ZNF227: variants seen among roughly 807,000 people sequenced by gnomAD.
ZNF227 encodes the protein zinc finger protein 227.
ZNF227 carries 12 observed loss-of-function variants against 13.2 expected under a neutral mutation model. The ratio of observed to expected loss-of-function variants is 0.91; its 90% confidence interval spans 0.58 to 1.47. The LOEUF is 1.47. ZNF227 is among the 40% of genes most tolerant of loss of function. The probability of loss-of-function intolerance (pLI) is 0.00; values close to 1 mark genes in which losing one functional copy is unlikely to be tolerated. For missense variants in ZNF227, 885 were observed against 967.5 expected (o/e 0.91, Z 1.13); for synonymous variants, 338 against 326.0 (o/e 1.04, Z -0.40).
Position 44,217,951 on chromosome 19 carries a change from G to C in ZNF227, c.60+99G>C, listed in dbSNP as rs377128532. The C allele has an allele frequency of 5.1e-6, 7 of 1,375,898 alleles. 1 individual carries two copies. The South Asian group carries it at 8.5e-5, about 17-fold the overall frequency. The allele number at this position is 1,375,898 out of a possible 1,614,324, so 85.2% of individuals were successfully genotyped here. A position where few individuals can be genotyped will look rare whatever the true frequency, so the allele number is the denominator to read the frequency against. On this transcript the variant is annotated intron_variant, in intron 3 of 5. Transcript: ENST00000313040. ...TTCTTGGAAAGGTTAGTGGGAAACA[G>C]ATATTCAGGACATGTGGTATGCTGA...
intron 2 of ZNF227, chr19:44,217,544 C>T: frequency 1.5e-6 from 1 of 674,884 alleles, no homozygotes; most frequent in South Asian, 1.5e-5. Flanking sequence ...TACATTGCCT[C>T]TCGTTTCCTG....
At chr19:44,209,288 TC>T (rs1425823731), upstream of ZNF227, among the ~76,000 whole-genome samples, 1 of 152,206 alleles carries the variant, frequency 6.6e-6, no homozygotes, top group African/African-American at 2.4e-5. Context: ...CATCTATTAC[TC>T]TTCTCCCACA....
upstream of ZNF227, among the ~76,000 whole-genome samples, chr19:44,212,184 A>G (rs184098824): frequency 6.6e-6 from 1 of 151,842 alleles, no homozygotes; most frequent in Non-Finnish European, 1.5e-5. Context: ...TAGGGCTCCA[A>G]TTCTTCACAT....
upstream of ZNF227, among the ~76,000 whole-genome samples, chr19:44,210,797 G>A (rs962603520): frequency 2.6e-5 from 4 of 152,198 alleles, no homozygotes; most frequent in African/African-American, 9.7e-5. Flanking sequence ...GGATAGACAT[G>A]CAGGTGAAAA....
At chr19:44,228,383 T>G in intron 3 of ZNF227, 63 bp from the exon 4 acceptor site, 2 of 1,557,598 alleles carry the variant, frequency 1.3e-6, no homozygotes, top group Admixed American at 2.1e-5. Flanking sequence ...TCCTTCTTGA[T>G]GCCACCCTTC....
At position 44,236,002 on chromosome 19, in the gene ZNF227, G is replaced by A. The variant is rs200305172; in HGVS notation, c.1572G>A (p.Thr524=). Reference sequence around the variant, plus strand: ...GGGAGAAACGATTCAAGTGTGAAACGTGTGGGAAGGGCTTCAGTCAGTCCT... The same window carrying A: ...GGGAGAAACGATTCAAGTGTGAAACATGTGGGAAGGGCTTCAGTCAGTCCT... ...HTGEKRFKCE[T]CGKGFSQSSK... The change falls in exon 6 of 6, where the codon ACG becomes ACA. Residue 524 remains threonine (T), a synonymous_variant. Transcript: ENST00000313040. 3.0e-5 allele frequency: 48 copies of A among 1,613,102 alleles called. No individual in the cohort carries two copies. The highest frequency in any genetic ancestry group is 4.0e-5 in the African/African-American group (3 of 74,524).
rs200652491 is a variant in ZNF227, at chr19:44,236,473, C to G, written c.2043C>G (p.Gly681=). Residue 681 remains glycine (G), a synonymous_variant, in exon 6 of 6, where the codon GGC becomes GGG. Transcript: ENST00000313040. ...CGCAGTTTATATACCATCAGAGAGG[C>G]CACACTGGAGAAAAACCTTACAAAT... ...YSSQFIYHQR[G]HTGEKPYKCE... 224 of 1,613,194 alleles carry G rather than the reference C, an allele frequency of 1.4e-4. 2 individuals are homozygous for G. The Admixed American group carries it at 3.6e-3, about 26-fold the overall frequency.
In ZNF227 at chr19:44,235,609, T is replaced by C. The variant is rs938328162; in HGVS notation, c.1179T>C (p.Val393=). The change falls in exon 6 of 6, where the codon GTT becomes GTC. Residue 393 remains valine, a synonymous_variant. Coordinates refer to ENST00000313040, the MANE Select transcript of ZNF227 (RefSeq NM_182490.3). ...EECGKGFGWS[V]NLRVHQRVHR... is the part of the protein sequence containing the mutation. ...GTGGTAAGGGCTTCGGTTGGAGTGTTAATCTCCGTGTTCACCAGAGGGTCC... is the reference window on the plus strand; with the variant it reads ...GTGGTAAGGGCTTCGGTTGGAGTGTCAATCTCCGTGTTCACCAGAGGGTCC... 2 of 1,611,632 alleles carry C rather than the reference T, an allele frequency of 1.2e-6. No individual in the cohort carries two copies. Among genetic ancestry groups the C allele is most frequent in the Non-Finnish European group, 1.7e-6 (2 of 1,179,310 alleles).
chr19:44,209,143 A>G (rs868444278), upstream of ZNF227, among the ~76,000 whole-genome samples: 1 of 152,334 alleles, frequency 6.6e-6, no homozygotes, highest in South Asian at 2.1e-4. Context: ...CATTGGTGCC[A>G]TACCACCCAC....
In ZNF227 at chr19:44,236,784, C is replaced by T; in HGVS notation, c.2354C>T (p.Ser785Leu). The T allele has an allele frequency of 6.2e-7, 1 of 1,604,950 alleles. No homozygotes were observed. The highest frequency in any genetic ancestry group is 8.5e-7 in the Non-Finnish European group (1 of 1,175,776). The change falls in exon 6 of 6, where the codon TCA becomes TTA. Residue 785 changes from serine (S) to leucine (L), a missense_variant. Ser to Leu is a moderately radical substitution (Grantham distance 145). Coordinates refer to ENST00000313040, the MANE Select transcript of ZNF227 (RefSeq NM_182490.3). ...TGTGATAAGGACTTCCGTCACCGTT[C>T]ACGTCTTACATATCATCAGAAAGTC... ...DICDKDFRHRSRLTYHQKVHT... is the reference protein window; with the variant it reads ...DICDKDFRHRLRLTYHQKVHT...
At chr19:44,228,187 C>T (rs547525908) in intron 3 of ZNF227, 27 of 301,680 alleles carry the variant, frequency 8.9e-5, no homozygotes, top group Middle Eastern at 1.9e-3. Context: ...GCAGAGATTG[C>T]GCCACTGCTC....
rs768427724 is a variant in ZNF227, at chr19:44,236,540, C to T, written c.2110C>T (p.Arg704Cys). The T allele has an allele frequency of 1.8e-5, 29 of 1,613,158 alleles. No homozygotes were observed. Among genetic ancestry groups the T allele is most frequent in the Non-Finnish European group, 2.4e-5 (28 of 1,179,814 alleles). The change falls in exon 6 of 6, where the codon CGC becomes TGC. Residue 704 changes from arginine to cysteine, a missense_variant. Transcript: ENST00000313040. ...AGGCTTTGGTAGGAGCTTGAATCTT[C>T]GCCATCATCAGAGGGTCCACACGGG... ...GKGFGRSLNLRHHQRVHTGEK... is the reference protein window; with the variant it reads ...GKGFGRSLNLCHHQRVHTGEK...
rs201567924 is a variant in ZNF227 at position 44,236,440 on chromosome 19, A to T, written c.2010A>T (p.Arg670Ser). 3.7e-6 allele frequency: 6 copies of T among 1,612,890 alleles called. No homozygotes were observed. In the East Asian group the frequency reaches 1.1e-4, roughly 30 times the overall value. The change falls in exon 6 of 6, where the codon AGA becomes AGT. Residue 670 changes from arginine (R) to serine (S), a missense_variant. By Grantham distance (110) the Arg-to-Ser change is moderately radical (BLOSUM62 -1). Coordinates refer to ENST00000313040, the MANE Select transcript of ZNF227 (RefSeq NM_182490.3). ...YKCDVCGKGF[R>S]YSSQFIYHQR... ...GTGATGTGTGTGGAAAGGGCTTTAG[A>T]TACAGTTCGCAGTTTATATACCATC...
At chr19:44,227,415 T>G (rs949441686) in intron 3 of ZNF227, 2 of 152,072 alleles carry the variant, frequency 1.3e-5, no homozygotes, top group African/African-American at 4.8e-5. Flanking sequence ...CTGGCTAATT[T>G]TTTTGTATTT....
chr19:44,210,968 T>C (rs1238317861), upstream of ZNF227, among the ~76,000 whole-genome samples: 1 of 151,676 alleles, frequency 6.6e-6, no homozygotes, highest in Non-Finnish European at 1.5e-5. Flanking sequence ...CCGGGGCGGG[T>C]GGATCACCTG....
intron 5 of ZNF227, among the ~76,000 whole-genome samples, chr19:44,230,926 AATATATATATAT>A (rs58952117): frequency 1.5e-5 from 1 of 68,134 alleles, no homozygotes; most frequent in South Asian, 4.7e-4. Flanking sequence ...AAAAAAAAAA[AATATATATATAT>A]ATATATATAT....
At chr19:44,219,174 A>G (rs1357421464) in intron 3 of ZNF227, among the ~76,000 whole-genome samples, 1 of 152,230 alleles carries the variant, frequency 6.6e-6, no homozygotes, top group Non-Finnish European at 1.5e-5. Flanking sequence ...GGCGTGAACC[A>G]GTGCACCTGG....
chr19:44,222,840 C>A (rs1248841744), intron 3 of ZNF227, among the ~76,000 whole-genome samples: 6 of 151,732 alleles, frequency 4.0e-5, no homozygotes, highest in Non-Finnish European at 7.4e-5. Context: ...CTGTCTTGTG[C>A]CAGTTTTCAA....
intron 3 of ZNF227, among the ~76,000 whole-genome samples, chr19:44,220,510 A>G (rs551963783): frequency 3.9e-5 from 6 of 152,070 alleles, no homozygotes; most frequent in Non-Finnish European, 8.8e-5. Context: ...AAAGATACCG[A>G]TCACAGTATC....
Sources: allele counts gnomAD v4.1 joint callset (sites outside exome capture counted in the v4.1 genomes callset), GRCh38; gene constraint gnomAD v4.1.1; transcripts MANE v1.5; gene names NCBI Gene and HGNC (gene_info 2026-07-23, HGNC 2026-07-21).